The following ZZZ3 variants were observed in gnomAD, a reference collection of about 807,000 sequenced individuals.
The protein encoded by ZZZ3 is zinc finger ZZ-type containing 3, also known as ZZ-type zinc finger-containing protein 3.
ZZZ3 carries 22 observed loss-of-function variants against 95.2 expected under a neutral mutation model. The ratio of observed to expected loss-of-function variants is 0.23; its 90% CI spans 0.17 to 0.33. The LOEUF is 0.33. ZZZ3 is among the 10% of genes least tolerant of loss of function. The pLI is 1.00. For missense variants in ZZZ3, 885 were observed against 1,066.5 expected (o/e 0.83, Z 2.37); for synonymous variants, 335 against 358.9 (o/e 0.93, Z 0.75).
intron 1 of ZZZ3, among the ~76,000 whole-genome samples, chr1:77,642,740 A>C (rs1205448761): frequency 6.6e-6 from 1 of 152,156 alleles, no homozygotes; most frequent in African/African-American, 2.4e-5. Flanking sequence ...GCAACAGAGT[A>C]AACCCTATCT....
intron 1 of ZZZ3, among the ~76,000 whole-genome samples, chr1:77,645,053 G>A (rs1669132657): frequency 6.6e-6 from 1 of 151,678 alleles, no homozygotes; most frequent in African/African-American, 2.4e-5. Context: ...GCAAGACCCT[G>A]TCTCTACAGA....
At chr1:77,653,177 A>T (rs1396137143) in intron 1 of ZZZ3, among the ~76,000 whole-genome samples, 4 of 152,104 alleles carry the variant, frequency 2.6e-5, no homozygotes, top group African/African-American at 9.7e-5. Context: ...AAAGGGCAAG[A>T]TTCTGAAAGA....
intron 5 of ZZZ3, among the ~76,000 whole-genome samples, chr1:77,589,416 A>T (rs1663434201): frequency 1.9e-5 from 1 of 52,356 alleles, no homozygotes; most frequent in African/African-American, 6.6e-5. Flanking sequence ...GGTTGATTTT[A>T]TTTATTTATT....
rs185965755 is a variant in ZZZ3, at chr1:77,667,023, G to A, written c.-403+15562C>T. ...GCCATTTTACTCAAGGATATTTTAA[G>A]GGAGACTTACTGTTCAATTATAATT... On this transcript the variant is annotated intron_variant, in intron 1 of 14. Coordinates refer to ENST00000370801, the MANE Select transcript of ZZZ3 (RefSeq NM_015534.6). 9.6e-3 allele frequency among the ~76,000 whole-genome samples: 1,465 copies of A among 152,276 alleles called. 13 individuals carry two copies. The highest frequency in any genetic ancestry group is 0.016 in the Non-Finnish European group (1,085 of 68,020).
chr1:77,612,704 G>A (rs1267075055), intron 5 of ZZZ3, among the ~76,000 whole-genome samples: 1 of 151,880 alleles, frequency 6.6e-6, no homozygotes, highest in Non-Finnish European at 1.5e-5. Context: ...AATATTGCGT[G>A]ATCTGGTCTA....
chr1:77,612,647 C>A (rs951269069), intron 5 of ZZZ3, among the ~76,000 whole-genome samples: 1 of 151,884 alleles, frequency 6.6e-6, no homozygotes, highest in Admixed American at 6.6e-5. Context: ...CACCAACAGA[C>A]CTAGAGGGCA....
At chr1:77,638,688 T>G (rs1668507470) in intron 4 of ZZZ3, among the ~76,000 whole-genome samples, 1 of 152,188 alleles carries the variant, frequency 6.6e-6, no homozygotes, top group Non-Finnish European at 1.5e-5. Flanking sequence ...TGAAAAATTT[T>G]TAGTAAACTG....
chr1:77,587,131 G>A (rs1348672797), intron 5 of ZZZ3, among the ~76,000 whole-genome samples: 1 of 152,134 alleles, frequency 6.6e-6, no homozygotes, highest in Admixed American at 6.5e-5. Flanking sequence ...GTACAAATAC[G>A]GCTGGATTGG....
At chr1:77,625,633 T>C (rs1237308675) in intron 5 of ZZZ3, among the ~76,000 whole-genome samples, 1 of 152,126 alleles carries the variant, frequency 6.6e-6, no homozygotes, top group Non-Finnish European at 1.5e-5. Flanking sequence ...AGACCTATTC[T>C]GGCAATGATG....
intron 5 of ZZZ3, among the ~76,000 whole-genome samples, chr1:77,597,983 A>G (rs780175843): frequency 5.3e-5 from 8 of 152,190 alleles, no homozygotes; most frequent in Non-Finnish European, 8.8e-5. Context: ...TAACCCTGTA[A>G]TATGTTCTAG....
Position 77,616,743 on chromosome 1 carries a change from G to A in ZZZ3, c.1505+15107C>T, listed in dbSNP as rs146394746. ...TAGCCGGGGGTGGTGGCACCCACCT[G>A]TAGTCCCAGCCCAGGAGGGAGACTG... On this transcript the variant is annotated intron_variant, in intron 5 of 14. Transcript: ENST00000370801. 1.5e-3 allele frequency among the ~76,000 whole-genome samples: 233 copies of A among 152,212 alleles called. 2 individuals are homozygous for A. The highest frequency in any genetic ancestry group is 5.3e-3 in the African/African-American group (222 of 41,534).
intron 4 of ZZZ3, among the ~76,000 whole-genome samples, chr1:77,636,461 C>T (rs1668304653): frequency 6.6e-6 from 1 of 151,648 alleles, no homozygotes; most frequent in African/African-American, 2.4e-5. Flanking sequence ...GCCTGTAATC[C>T]CAGGACTTTG....
At chr1:77,606,664 TAAGGG>T (rs1665265178) in intron 5 of ZZZ3, among the ~76,000 whole-genome samples, 1 of 152,156 alleles carries the variant, frequency 6.6e-6, no homozygotes, top group South Asian at 2.1e-4. Context: ...TGAGAGAAAG[TAAGGG>T]AAGAGAAAAA....
At chr1:77,582,446 A>T (rs1220180733) in intron 6 of ZZZ3, among the ~76,000 whole-genome samples, 1 of 152,178 alleles carries the variant, frequency 6.6e-6, no homozygotes, top group Non-Finnish European at 1.5e-5. Flanking sequence ...ATACCAATAT[A>T]TATCACCAGT....
At chr1:77,610,056 G>C (rs887205334) in intron 5 of ZZZ3, among the ~76,000 whole-genome samples, 9 of 149,192 alleles carry the variant, frequency 6.0e-5, no homozygotes, top group Non-Finnish European at 1.2e-4. Context: ...TAATACAAAT[G>C]ATCAATTTGA....
intron 5 of ZZZ3, among the ~76,000 whole-genome samples, chr1:77,618,295 C>T (rs1666524826): frequency 9.2e-6 from 1 of 108,914 alleles, no homozygotes; most frequent in Admixed American, 1.4e-4. Context: ...ATTGATAATT[C>T]GGCCAGGGAT....
At chr1:77,626,295 A>C (rs751551354) in intron 5 of ZZZ3, among the ~76,000 whole-genome samples, 3 of 152,208 alleles carry the variant, frequency 2.0e-5, no homozygotes, top group Admixed American at 6.5e-5. Flanking sequence ...AGGATGATTC[A>C]AGCACATTAC....
chr1:77,614,326 A>AAGGAT (rs1359360835), intron 5 of ZZZ3, among the ~76,000 whole-genome samples: 1 of 152,180 alleles, frequency 6.6e-6, no homozygotes, highest in African/African-American at 2.4e-5. Flanking sequence ...TTACCACCTC[A>AAGGAT]AGGATAAACA....
intron 9 of ZZZ3, 180 bp downstream of exon 9, chr1:77,580,818 G>T: frequency 1.9e-6 from 1 of 531,086 alleles, no homozygotes; most frequent in East Asian, 3.2e-5. Flanking sequence ...TTTTAGTAGG[G>T]TTTCACCATG....
Sources: allele counts gnomAD v4.1 joint callset (sites outside exome capture counted in the v4.1 genomes callset), GRCh38; gene constraint gnomAD v4.1.1; transcripts MANE v1.5; gene names NCBI Gene and HGNC (gene_info 2026-07-23, HGNC 2026-07-21).